Variants in NT5DC1 observed in about 807,000 individuals in gnomAD.
NT5DC1 encodes 5'-nucleotidase domain-containing protein 1.
A neutral mutation model predicts 59.4 loss-of-function variants in NT5DC1; 42 were observed. The observed-to-expected ratio is 0.71, with a 90% CI of 0.55 to 0.92. NT5DC1 has a LOEUF of 0.92. Among genes scored for constraint, NT5DC1 ranks in the 40% least tolerant of loss-of-function variants. The pLI, the probability that NT5DC1 is intolerant of heterozygous loss-of-function variation, is 0.00. For synonymous variants in NT5DC1, 172 were observed against 188.1 expected, an observed-to-expected ratio of 0.91 and a Z score of 0.70; for missense variants, 501 against 537.1, an observed-to-expected ratio of 0.93 and a Z score of 0.66.
chr6:116,150,030 A>G (rs1779997914), intron 6 of NT5DC1, among the ~76,000 whole-genome samples: 1 of 152,188 alleles, frequency 6.6e-6, no homozygotes, highest in Non-Finnish European at 1.5e-5. Context: ...AGGAGCTGAG[A>G]GAAGGCTTGT....
At chr6:116,135,868 T>C (rs199680402) in intron 6 of NT5DC1, among the ~76,000 whole-genome samples, 22,489 of 115,170 alleles carry the variant, frequency 0.2, 2,109 homozygotes, top group East Asian at 0.29. Flanking sequence ...TATATATATA[T>C]ATATACACAC....
rs1003451927 is a variant in NT5DC1, at chr6:116,135,856, TATATATATATATATATAC to T, written c.529+17913_529+17930del. Among the ~76,000 whole-genome samples, 18 of 119,354 alleles carry T rather than the reference TATATATATATATATATAC, an allele frequency of 1.5e-4. 1 individual carries two copies. Among genetic ancestry groups the T allele is most frequent in the African/African-American group, 4.4e-4 (13 of 29,350 alleles). The allele number at this position is 119,354 out of a possible 152,430, so 78.3% of individuals were successfully genotyped here. A position where few individuals can be genotyped will look rare whatever the true frequency, so the allele number is the denominator to read the frequency against. On this transcript the variant is annotated intron_variant, in intron 6 of 11. Coordinates refer to ENST00000319550, the MANE Select transcript of NT5DC1 (RefSeq NM_152729.3). ...TCAGATATATATATATATATATATA[TATATATATATATATATAC>T]ACACATACACACACATTGCTAAATG...
chr6:116,187,522 A>G (rs1344317604), intron 6 of NT5DC1, among the ~76,000 whole-genome samples: 2 of 152,202 alleles, frequency 1.3e-5, no homozygotes, highest in East Asian at 3.9e-4. Flanking sequence ...AAAGACTGAC[A>G]ACTAGAAGAT....
At chr6:116,213,001 A>T (rs796193581) in intron 6 of NT5DC1, among the ~76,000 whole-genome samples, 6 of 152,192 alleles carry the variant, frequency 3.9e-5, no homozygotes, top group African/African-American at 1.4e-4. Context: ...CTTTTATTTC[A>T]TCTGTTTCTA....
At chr6:116,144,437 G>A (rs1779845095) in intron 6 of NT5DC1, among the ~76,000 whole-genome samples, 1 of 147,542 alleles carries the variant, frequency 6.8e-6, no homozygotes, top group African/African-American at 2.4e-5. Context: ...GGAGGCAGAG[G>A]TTGCAGTGAG....
chr6:116,176,206 G>A (rs1780731664), intron 6 of NT5DC1, among the ~76,000 whole-genome samples: 1 of 152,176 alleles, frequency 6.6e-6, no homozygotes, highest in Admixed American at 6.6e-5. Flanking sequence ...AGTGCTTAGG[G>A]ATGCTGTGCT....
intron 7 of NT5DC1, 98 bp from the exon 8 acceptor site, chr6:116,222,936 A>G: frequency 1.5e-6 from 1 of 666,194 alleles, no homozygotes; most frequent in Non-Finnish European, 2.7e-6. Flanking sequence ...AAGATGAATG[A>G]TGCTGTGGTA....
chr6:116,241,516 T>C (rs553623095), intron 11 of NT5DC1, among the ~76,000 whole-genome samples: 52 of 152,348 alleles, frequency 3.4e-4, no homozygotes, highest in African/African-American at 1.2e-3. Context: ...GAAATGCATG[T>C]TGTAATCTCA....
intron 6 of NT5DC1, among the ~76,000 whole-genome samples, chr6:116,154,857 G>T (rs904562933): frequency 5.3e-5 from 8 of 151,988 alleles, no homozygotes; most frequent in African/African-American, 1.9e-4. Context: ...ATGCCTTGTA[G>T]GTAAGCAAAA....
intron 6 of NT5DC1, chr6:116,125,349 T>C: frequency 6.2e-7 from 1 of 1,613,656 alleles, no homozygotes; most frequent in Non-Finnish European, 8.5e-7. Context: ...CTTTACTCTT[T>C]ATGGTGTAGG....
At chr6:116,118,181 C>T (rs1276953862) in intron 6 of NT5DC1, 2 of 492,350 alleles carry the variant, frequency 4.1e-6, no homozygotes, top group African/African-American at 3.9e-5. Context: ...TTTACCACGC[C>T]TGCCACGAGG....
chr6:116,245,670 A>G lies in NT5DC1; in HGVS notation c.*1646A>G, dbSNP rs1771833572. The G allele has an allele frequency of 1.3e-5, 2 of 152,198 alleles. No homozygotes were observed. Among genetic ancestry groups the G allele is most frequent in the Non-Finnish European group, 1.5e-5 (1 of 68,024 alleles). 9.4% of individuals were successfully genotyped at this position (152,198 alleles called of 1,614,324 possible). On this transcript the variant is annotated 3_prime_UTR_variant, in exon 12 of 12. Transcript: ENST00000319550. ...TAAATAGAGAATTTATTTCTTTTAA[A>G]AATAAAGCTATCTTTCCTTATCCAT... is the stretch of plus-strand genomic sequence containing the variant.
At chr6:116,119,289 TAAAG>T (rs1158425116) in intron 6 of NT5DC1, 2 of 152,554 alleles carry the variant, frequency 1.3e-5, no homozygotes, top group African/African-American at 2.4e-5. Flanking sequence ...AATAAGGAAT[TAAAG>T]AAATCAAATT....
chr6:116,150,552 T>A (rs1211138406), intron 6 of NT5DC1, among the ~76,000 whole-genome samples: 1 of 152,204 alleles, frequency 6.6e-6, no homozygotes, highest in Admixed American at 6.5e-5. Context: ...CCCAAAACGC[T>A]GGGATTACAG....
chr6:116,135,873 A>ATATATATATG (rs1491111454), intron 6 of NT5DC1, among the ~76,000 whole-genome samples: 2 of 62,180 alleles, frequency 3.2e-5, no homozygotes, highest in East Asian at 2.3e-4. Flanking sequence ...ATATATATAT[A>ATATATATATG]CACACATACA....
At chr6:116,231,900 A>C (rs1782026294) in intron 8 of NT5DC1, among the ~76,000 whole-genome samples, 1 of 152,228 alleles carries the variant, frequency 6.6e-6, no homozygotes, top group Non-Finnish European at 1.5e-5. Flanking sequence ...AGCATTTAAA[A>C]GCGTTTTAAA....
At chr6:116,189,345 C>T in intron 6 of NT5DC1, among the ~76,000 whole-genome samples, 1 of 151,824 alleles carries the variant, frequency 6.6e-6, no homozygotes, top group South Asian at 2.1e-4. Flanking sequence ...CGATTTGAGA[C>T]TTACATATAG....
In NT5DC1 at chr6:116,237,012, C is replaced by T. The variant is rs749703407; in HGVS notation, c.849C>T (p.Gly283=). Residue 283 remains glycine, a synonymous_variant, in exon 9 of 12, where the codon GGC becomes GGT. Transcript: ENST00000319550. ...QEALPSLDKP[G]WYSQGNAVHL... is the part of the protein sequence containing the mutation. ...CACTGCCATCTCTGGATAAACCTGG[C>T]TGGTACTCCCAAGGGAACGCTGTCC... 6.8e-6 allele frequency: 11 copies of T among 1,612,608 alleles called. No individual in the cohort carries two copies. The highest frequency in any genetic ancestry group is 9.3e-6 in the Non-Finnish European group (11 of 1,178,682).
At chr6:116,149,526 A>C (rs1779982700) in intron 6 of NT5DC1, among the ~76,000 whole-genome samples, 1 of 152,214 alleles carries the variant, frequency 6.6e-6, no homozygotes, top group Admixed American at 6.5e-5. Flanking sequence ...AGCTTTCAAA[A>C]CAGAATGGTA....
Sources: gnomAD v4.1 joint callset for allele counts (sites outside exome capture counted in the v4.1 genomes callset) on GRCh38, gnomAD v4.1.1 for gene constraint, MANE v1.5 for transcripts, NCBI Gene and HGNC (gene_info 2026-07-23, HGNC 2026-07-21) for gene names.